ZFP82: variants seen among roughly 807,000 people sequenced by gnomAD.
ZFP82 encodes the protein zinc finger protein 82 homolog.
Under a neutral mutation model 54.0 loss-of-function variants are expected in ZFP82, and 30 were observed. That is an observed-to-expected ratio of 0.56 (90% CI 0.42 to 0.75). The LOEUF is 0.75. Ranked by LOEUF, ZFP82 falls within the 30% of genes least tolerant of loss-of-function variation. The pLI is 0.00. For missense variants in ZFP82, 500 were observed against 636.8 expected (o/e 0.79, Z 2.31); for synonymous variants, 194 against 209.5 (o/e 0.93, Z 0.64).
At position 36,393,387 on chromosome 19, in the gene ZFP82, G is replaced by A. The variant is rs984002372; in HGVS notation, c.953C>T (p.Ala318Val). 2.5e-6 allele frequency: 4 copies of A among 1,614,042 alleles called. No homozygotes were observed. Among genetic ancestry groups the A allele is most frequent in the Non-Finnish European group, 1.7e-6 (2 of 1,180,020 alleles). Residue 318 changes from alanine to valine, a missense_variant, in exon 5 of 5, where the codon GCC (alanine) becomes GTC (valine). Coordinates refer to ENST00000392161, the MANE Select transcript of ZFP82 (RefSeq NM_133466.4). ...TCTAAGACCAGAGCCACACAAAAAG[G>A]CCTTCCCACATTCTTTGCATTCATA... Reference protein sequence around the residue: ...RLYECKECGKAFLCGSGLRVH... With the variant: ...RLYECKECGKVFLCGSGLRVH...
intron 4 of ZFP82, among the ~76,000 whole-genome samples, chr19:36,405,186 G>GAAAAAAAA (rs35735133): frequency 2.3e-5 from 2 of 88,510 alleles, no homozygotes; most frequent in Non-Finnish European, 2.2e-5. Flanking sequence ...CTGCATCTCA[G>GAAAAAAAA]AAAAAAAAAA....
At chr19:36,387,361 A>G (rs1288932348), downstream of ZFP82, among the ~76,000 whole-genome samples, 1 of 152,196 alleles carries the variant, frequency 6.6e-6, no homozygotes, top group Non-Finnish European at 1.5e-5. Flanking sequence ...AAGAGGTGGG[A>G]CCTTTAAGAA....
intron 4 of ZFP82, among the ~76,000 whole-genome samples, chr19:36,401,928 C>A (rs1254223968): frequency 6.6e-6 from 1 of 152,156 alleles, no homozygotes; most frequent in Non-Finnish European, 1.5e-5. Flanking sequence ...TCAAGAAAGT[C>A]ATCTGTCCAC....
chr19:36,403,421 C>T (rs1173928377), intron 4 of ZFP82, among the ~76,000 whole-genome samples: 1 of 147,784 alleles, frequency 6.8e-6, no homozygotes, highest in African/African-American at 2.5e-5. Context: ...GAGTTCAAGA[C>T]CAGCCTGGCC....
At position 36,383,252 on chromosome 19, in the gene ZFP82, G is replaced by T. The variant is rs546546454; in HGVS notation, c.*1080C>A. On this transcript the variant is annotated 3_prime_UTR_variant, in exon 2 of 2. Coordinates refer to the ZFP82 transcript ENST00000445543. Reference sequence around the variant, plus strand: ...CAGGGCTCTTTATTTTGTTCCATTGGTCTATTTGTTCATTCTTGCTCATCG... The same window carrying T: ...CAGGGCTCTTTATTTTGTTCCATTGTTCTATTTGTTCATTCTTGCTCATCG... 6 of 152,198 alleles carry T rather than the reference G, an allele frequency of 3.9e-5. No individual in the cohort carries two copies. The South Asian group carries it at 1.2e-3, about 31-fold the overall frequency. The allele number at this position is 152,198 out of a possible 1,614,324, so 9.4% of individuals were successfully genotyped here. A position where few individuals can be genotyped will look rare whatever the true frequency, so the allele number is the denominator to read the frequency against.
At chr19:36,402,596 TA>T (rs1393559706) in intron 4 of ZFP82, among the ~76,000 whole-genome samples, 1 of 151,632 alleles carries the variant, frequency 6.6e-6, no homozygotes, top group African/African-American at 2.4e-5. Context: ...CCTATGGTTA[TA>T]AAATAAGAAC....
At position 36,392,747 on chromosome 19, in the gene ZFP82, T is replaced by G. The variant is rs775682597; in HGVS notation, c.1593A>C (p.Lys531Asn). The change falls in exon 5 of 5, where the codon AAA becomes AAC. Residue 531 changes from lysine (K) to asparagine (N), a missense_variant. Coordinates refer to ENST00000392161, the MANE Select transcript of ZFP82 (RefSeq NM_133466.4). Reference protein sequence around the residue: ...LTHHLKIHNVKI With the variant: ...LTHHLKIHNVNI ...AGAAGTTGAAAAGACTTTCTTAGATTTTTACATTATGAATTTTCAGATGAT... is the reference window on the plus strand; with the variant it reads ...AGAAGTTGAAAAGACTTTCTTAGATGTTTACATTATGAATTTTCAGATGAT... The G allele has an allele frequency of 8.4e-6, 13 of 1,553,618 alleles. No homozygotes were observed. The highest frequency in any genetic ancestry group is 1.4e-5 in the African/African-American group (1 of 72,426).
chr19:36,412,702 T>C (rs753451931), intron 1 of ZFP82, among the ~76,000 whole-genome samples: 3 of 152,212 alleles, frequency 2.0e-5, no homozygotes, highest in African/African-American at 4.8e-5. Flanking sequence ...TGCATCAACA[T>C]CATGAAAATA....
chr19:36,387,199 C>T (rs2032125141), downstream of ZFP82, among the ~76,000 whole-genome samples: 1 of 152,136 alleles, frequency 6.6e-6, no homozygotes, highest in South Asian at 2.1e-4. Flanking sequence ...AGAGTTAAGA[C>T]TTTGGGGCAA....
At position 36,389,043 on chromosome 19, in the gene ZFP82, CTTT is replaced by C. The variant is rs34929021; in HGVS notation, c.*3695_*3697del. 1.3e-4 allele frequency among the ~76,000 whole-genome samples: 17 copies of C among 134,540 alleles called. No individual in the cohort carries two copies. Among genetic ancestry groups the C allele is most frequent in the Non-Finnish European group, 1.6e-4 (10 of 62,410 alleles). 88.3% of individuals were successfully genotyped at this position (134,540 alleles called of 152,430 possible). A position where few individuals can be genotyped will look rare whatever the true frequency, so the allele number is the denominator to read the frequency against. The stretch of plus-strand genomic sequence containing the variant: ...TACAATTTCAGACTTGATTTTCTTT[CTTT>C]TTTTTTTTTTTTGAGATGGAGTCTC... On this transcript the variant is annotated 3_prime_UTR_variant, in exon 5 of 5. Transcript: ENST00000392161.
At chr19:36,417,844 G>A (rs2032699283) in intron 1 of ZFP82, among the ~76,000 whole-genome samples, 1 of 152,190 alleles carries the variant, frequency 6.6e-6, no homozygotes, top group African/African-American at 2.4e-5. Context: ...GGGTCCGCGA[G>A]GAGGTGGTGT....
At chr19:36,402,770 C>T (rs1162549560) in intron 4 of ZFP82, among the ~76,000 whole-genome samples, 1 of 151,862 alleles carries the variant, frequency 6.6e-6, no homozygotes, top group African/African-American at 2.4e-5. Flanking sequence ...CCGAGATGGG[C>T]GGATCATGAG....
Position 36,390,075 on chromosome 19 carries a change from C to G in ZFP82, c.*2666G>C, listed in dbSNP as rs1435743654. Among the ~76,000 whole-genome samples, 1 of 152,160 alleles carries G rather than the reference C, an allele frequency of 6.6e-6. No individual in the cohort carries two copies. The highest frequency in any genetic ancestry group is 2.4e-5 in the African/African-American group (1 of 41,418). On this transcript the variant is annotated 3_prime_UTR_variant, in exon 5 of 5. Coordinates refer to ENST00000392161, the MANE Select transcript of ZFP82 (RefSeq NM_133466.4). ...AATAAAAGCTCTGGGCCATGCTGTG[C>G]TCTCACCCTCTGCCTCCTGATACAC... is the stretch of plus-strand genomic sequence containing the variant.
chr19:36,417,037 C>A (rs1400808634), intron 1 of ZFP82, among the ~76,000 whole-genome samples: 1 of 105,558 alleles, frequency 9.5e-6, no homozygotes, highest in African/African-American at 3.3e-5. Flanking sequence ...TGTGCCACTG[C>A]ACTCCAACCT....
intron 4 of ZFP82, among the ~76,000 whole-genome samples, chr19:36,400,422 G>A (rs532903004): frequency 6.6e-6 from 1 of 152,118 alleles, no homozygotes; most frequent in African/African-American, 2.4e-5. Flanking sequence ...AGTAAAACCC[G>A]ACATCTAAGG....
chr19:36,398,032 G>C (rs1410749624), intron 4 of ZFP82, among the ~76,000 whole-genome samples: 1 of 152,156 alleles, frequency 6.6e-6, no homozygotes, highest in East Asian at 1.9e-4. Context: ...CAAGAATAAA[G>C]CTTTACAAAA....
rs1568483533 is a variant in ZFP82, at chr19:36,393,696, C to T, written c.644G>A (p.Arg215Gln). ...TTCACCAGAATGAAGTCTCTGATGT[C>T]GAGTAAGGTGTGCAGTCTGTCTGAA... The part of the protein sequence containing the change: ...MAFRQTAHLT[R>Q]HQRLHSGEKL... The change falls in exon 5 of 5, where the codon CGA (arginine) becomes CAA (glutamine). Residue 215 changes from arginine to glutamine, a missense_variant. Arg to Gln is a conservative substitution (Grantham distance 43). Transcript: ENST00000392161. 3.1e-6 allele frequency: 5 copies of T among 1,613,916 alleles called. No individual in the cohort carries two copies. The highest frequency in any genetic ancestry group is 1.1e-5 in the South Asian group (1 of 91,046).
Position 36,405,680 on chromosome 19 carries a change from G to C in ZFP82, c.137-8C>G. The C allele has an allele frequency of 6.3e-7, 1 of 1,579,812 alleles. No individual in the cohort carries two copies. Among genetic ancestry groups the C allele is most frequent in the East Asian group, 2.2e-5 (1 of 44,652 alleles). On this transcript the variant is annotated splice_region_variant and splice_polypyrimidine_tract_variant and intron_variant, in intron 3 of 4. Transcript: ENST00000392161. ...GTTTAGAAATGAAGCATCCTGCTTA[G>C]AAGAAAAGGAATATAAGGTACATGA... is the stretch of plus-strand genomic sequence containing the variant.
At chr19:36,405,245 G>C (rs988530593) in intron 4 of ZFP82, among the ~76,000 whole-genome samples, 13 of 150,188 alleles carry the variant, frequency 8.7e-5, no homozygotes, top group African/African-American at 3.2e-4. Context: ...AATATACAAT[G>C]GTTGTCAACA....
Sources: gnomAD v4.1 joint callset for allele counts (sites outside exome capture counted in the v4.1 genomes callset) on GRCh38, gnomAD v4.1.1 for gene constraint, MANE v1.5 for transcripts, NCBI Gene and HGNC (gene_info 2026-07-23, HGNC 2026-07-21) for gene names.